CWC27: variants seen among roughly 807,000 people sequenced by gnomAD.
CWC27 encodes the protein CWC27 spliceosome associated cyclophilin, also known as spliceosome-associated protein CWC27 homolog.
A neutral mutation model predicts 63.6 loss-of-function variants in CWC27; 47 were observed. The observed-to-expected ratio is 0.74, with a 90% CI of 0.58 to 0.94. CWC27 has a LOEUF of 0.94. CWC27 is among the 40% of genes least tolerant of loss of function. The pLI, the probability that CWC27 is intolerant of heterozygous loss-of-function variation, is 0.00. For missense variants in CWC27, 495 were observed against 554.3 expected (o/e 0.89, Z 1.07); for synonymous variants, 175 against 179.8 (o/e 0.97, Z 0.22).
chr5:64,801,048 GGTT>G (rs1744469135), intron 8 of CWC27, among the ~76,000 whole-genome samples: 1 of 151,924 alleles, frequency 6.6e-6, no homozygotes, highest in Non-Finnish European at 1.5e-5. Context: ...TAACACTGTC[GGTT>G]GTTGTTTGCT....
intron 10 of CWC27, among the ~76,000 whole-genome samples, chr5:64,840,398 T>TAC (rs1745797574): frequency 1.2e-4 from 5 of 41,628 alleles, no homozygotes; most frequent in Non-Finnish European, 2.2e-4. Flanking sequence ...AAAAAAAATA[T>TAC]ATATATATAT....
chr5:64,770,285 A>T (rs1407377273), intron 1 of CWC27, among the ~76,000 whole-genome samples: 2 of 152,214 alleles, frequency 1.3e-5, no homozygotes, highest in African/African-American at 2.4e-5. Flanking sequence ...GTAGATTAGT[A>T]TGTCCATCCC....
At chr5:64,888,820 G>T (rs1747150227) in intron 11 of CWC27, among the ~76,000 whole-genome samples, 1 of 151,990 alleles carries the variant, frequency 6.6e-6, no homozygotes, top group Non-Finnish European at 1.5e-5. Context: ...CAGAATATTT[G>T]TATAGTGTCA....
intron 10 of CWC27, among the ~76,000 whole-genome samples, chr5:64,826,115 CCA>C (rs1446776176): frequency 1.3e-5 from 2 of 151,056 alleles, no homozygotes; most frequent in African/African-American, 4.9e-5. Context: ...ATCTATCTAT[CCA>C]TCCATCAATT....
intron 10 of CWC27, among the ~76,000 whole-genome samples, chr5:64,883,183 T>C (rs1746987209): frequency 1.3e-5 from 2 of 152,112 alleles, no homozygotes; most frequent in South Asian, 4.1e-4. Flanking sequence ...ATCATGAGAA[T>C]AGCATGGGAG....
intron 11 of CWC27, among the ~76,000 whole-genome samples, chr5:64,964,689 C>G (rs963370067): frequency 6.6e-6 from 1 of 152,136 alleles, no homozygotes; most frequent in Non-Finnish European, 1.5e-5. Context: ...AGCTAAAATA[C>G]TACATGTTTC....
At chr5:64,864,822 T>C (rs779286505) in intron 10 of CWC27, among the ~76,000 whole-genome samples, 9 of 152,164 alleles carry the variant, frequency 5.9e-5, no homozygotes, top group Non-Finnish European at 1.3e-4. Context: ...TTTTAATATA[T>C]GTATATATTG....
At chr5:64,972,789 A>G in intron 12 of CWC27, 1 of 417,632 alleles carries the variant, frequency 2.4e-6, no homozygotes, top group Non-Finnish European at 4.7e-6. Context: ...GTAGCAAATA[A>G]TTATTAAGAA....
chr5:64,915,400 C>T (rs994361454), intron 11 of CWC27, among the ~76,000 whole-genome samples: 1 of 152,184 alleles, frequency 6.6e-6, no homozygotes, highest in African/African-American at 2.4e-5. Context: ...ATGGGACATG[C>T]AACAGGGATG....
intron 11 of CWC27, among the ~76,000 whole-genome samples, chr5:64,965,540 T>G (rs746353942): frequency 6.6e-6 from 1 of 152,182 alleles, no homozygotes; most frequent in Non-Finnish European, 1.5e-5. Flanking sequence ...CAGGGGTAGA[T>G]GGAAATAGTA....
At chr5:65,009,012 A>AT (rs1724440360) in intron 13 of CWC27, among the ~76,000 whole-genome samples, 1 of 151,852 alleles carries the variant, frequency 6.6e-6, no homozygotes, top group African/African-American at 2.4e-5. Context: ...TAAAAAAAAA[A>AT]TGAGGCTTAT....
At chr5:64,968,347 A>G (rs1749061723) in intron 11 of CWC27, among the ~76,000 whole-genome samples, 1 of 152,084 alleles carries the variant, frequency 6.6e-6, no homozygotes, top group Non-Finnish European at 1.5e-5. Flanking sequence ...AATTAAACAT[A>G]CACTTATCAC....
intron 1 of CWC27, among the ~76,000 whole-genome samples, chr5:64,771,895 G>T (rs1291442665): frequency 6.6e-6 from 1 of 152,150 alleles, no homozygotes; most frequent in Admixed American, 6.5e-5. Flanking sequence ...GATTATATAT[G>T]CATTCTTTTT....
intron 13 of CWC27, among the ~76,000 whole-genome samples, chr5:64,994,754 G>A (rs923765317): frequency 6.6e-6 from 1 of 152,032 alleles, no homozygotes; most frequent in African/African-American, 2.4e-5. Context: ...ATTTATACCT[G>A]TACCAGCAAT....
chr5:64,867,947 G>GTTGTT (rs1321775256), intron 10 of CWC27, among the ~76,000 whole-genome samples: 2 of 138,100 alleles, frequency 1.4e-5, no homozygotes, highest in Non-Finnish European at 3.1e-5. Context: ...TTGGGGGGGG[G>GTTGTT]GCTGTTGTTG....
chr5:64,798,960 T>C (rs1744378147), intron 7 of CWC27, among the ~76,000 whole-genome samples: 1 of 152,212 alleles, frequency 6.6e-6, no homozygotes, highest in African/African-American at 2.4e-5. Context: ...GGGTGTAAGT[T>C]TGAGGTGTCC....
At chr5:64,815,363 T>C (rs2112235842) in intron 10 of CWC27, among the ~76,000 whole-genome samples, 1 of 152,306 alleles carries the variant, frequency 6.6e-6, no homozygotes, top group South Asian at 2.1e-4. Context: ...GCTACTCTCA[T>C]GGCAGGAGGA....
chr5:64,907,125 G>A (rs1747662605), intron 11 of CWC27, among the ~76,000 whole-genome samples: 1 of 152,104 alleles, frequency 6.6e-6, no homozygotes, highest in Admixed American at 6.5e-5. Context: ...TGTTCTTTTG[G>A]CTTAGGATTG....
At chr5:64,924,963 A>G (rs1042465504) in intron 11 of CWC27, among the ~76,000 whole-genome samples, 1 of 151,232 alleles carries the variant, frequency 6.6e-6, no homozygotes, top group African/African-American at 2.4e-5. Context: ...TTAGACACAC[A>G]CACACACACA....
Sources: gnomAD v4.1 joint callset for allele counts (sites outside exome capture counted in the v4.1 genomes callset) on GRCh38, gnomAD v4.1.1 for gene constraint, MANE v1.5 for transcripts, NCBI Gene and HGNC (gene_info 2026-07-23, HGNC 2026-07-21) for gene names.